The following DOCK1 variants were observed in gnomAD, a reference collection of about 807,000 sequenced individuals.
DOCK1 encodes dedicator of cytokinesis 1, also known as dedicator of cytokinesis protein 1.
DOCK1 carries 138 observed loss-of-function variants against 262.7 expected under a neutral mutation model. The observed-to-expected ratio is 0.53, with a 90% CI of 0.46 to 0.61. DOCK1 has a LOEUF of 0.61. Among genes scored for constraint, DOCK1 ranks in the 20% least tolerant of loss-of-function variants. The probability of loss-of-function intolerance (pLI) is 0.00; values close to 1 mark genes in which losing one functional copy is unlikely to be tolerated. For synonymous variants in DOCK1, 866 were observed against 867.4 expected (o/e 1.00, Z 0.03); for missense variants, 1,908 against 2,370.7 (o/e 0.80, Z 4.05).
At chr10:127,069,109 T>C (rs1172661305) in intron 23 of DOCK1, among the ~76,000 whole-genome samples, 5 of 152,234 alleles carry the variant, frequency 3.3e-5, no homozygotes, top group Non-Finnish European at 7.3e-5. Flanking sequence ...AGGGCTTGAT[T>C]CCTGGGTGAT....
At chr10:127,277,918 A>G (rs2060801778) in intron 29 of DOCK1, among the ~76,000 whole-genome samples, 1 of 137,464 alleles carries the variant, frequency 7.3e-6, no homozygotes, top group South Asian at 3.0e-4. Context: ...TTTTCATGTA[A>G]AAGTCAACTT....
At chr10:127,042,591 T>A in intron 19 of DOCK1, 34 bp from the exon 20 acceptor site, 1 of 1,598,582 alleles carries the variant, frequency 6.3e-7, no homozygotes, top group South Asian at 1.1e-5. Context: ...TCCGGTGGGT[T>A]CACATTGTCA....
intron 27 of DOCK1, among the ~76,000 whole-genome samples, chr10:127,143,527 T>A (rs1216449376): frequency 6.6e-6 from 1 of 152,188 alleles, no homozygotes; most frequent in East Asian, 1.9e-4. Flanking sequence ...GAACAAGGCC[T>A]GGGCCCAGGA....
intron 1 of DOCK1, among the ~76,000 whole-genome samples, chr10:126,958,361 T>C (rs1336853558): frequency 1.3e-5 from 2 of 152,150 alleles, no homozygotes; most frequent in African/African-American, 4.8e-5. Flanking sequence ...CTGCTTTGGC[T>C]CCGTAATTTT....
At chr10:127,079,113 C>T (rs2046746318) in intron 23 of DOCK1, among the ~76,000 whole-genome samples, 1 of 152,170 alleles carries the variant, frequency 6.6e-6, no homozygotes, top group Non-Finnish European at 1.5e-5. Context: ...CAAATGCTGA[C>T]ACTCATGTAA....
chr10:127,180,401 A>G lies in DOCK1; in HGVS notation c.2847+52637A>G, dbSNP rs1589807718. ...TGGCTCTAAAGCAGCAGGAGTTCATAAAGTTTATTTTTCGTAAGAAAATTG... is the reference window on the plus strand; with the variant it reads ...TGGCTCTAAAGCAGCAGGAGTTCATGAAGTTTATTTTTCGTAAGAAAATTG... On this transcript the variant is annotated intron_variant, in intron 27 of 51. Coordinates refer to ENST00000623213, the MANE Select transcript of DOCK1 (RefSeq NM_001290223.2). 2.0e-5 allele frequency among the ~76,000 whole-genome samples: 3 copies of G among 152,330 alleles called. No homozygotes were observed. The East Asian group carries it at 5.8e-4, about 29-fold the overall frequency.
intron 23 of DOCK1, among the ~76,000 whole-genome samples, chr10:127,078,475 T>C (rs766047209): frequency 6.6e-6 from 1 of 152,148 alleles, no homozygotes; most frequent in Non-Finnish European, 1.5e-5. Flanking sequence ...TGGTACCTCC[T>C]CTGCATTCAG....
chr10:127,329,736 C>T (rs746820418), intron 29 of DOCK1, among the ~76,000 whole-genome samples: 1 of 152,124 alleles, frequency 6.6e-6, no homozygotes, highest in Non-Finnish European at 1.5e-5. Flanking sequence ...CTGCTAAATC[C>T]GTCAACATTT....
intron 16 of DOCK1, among the ~76,000 whole-genome samples, chr10:127,028,055 A>G (rs2042993923): frequency 1.4e-5 from 1 of 69,390 alleles, no homozygotes; most frequent in East Asian, 4.0e-4. Flanking sequence ...TGGGTGGTGC[A>G]TGGCGGGGGA....
At chr10:127,107,811 A>C (rs540738763) in intron 24 of DOCK1, among the ~76,000 whole-genome samples, 1 of 152,358 alleles carries the variant, frequency 6.6e-6, no homozygotes, top group African/African-American at 2.4e-5. Flanking sequence ...AAGCAGAGAA[A>C]GCTGCAACTG....
At chr10:127,450,013 A>G (rs573996530) in intron 51 of DOCK1, among the ~76,000 whole-genome samples, 20 of 152,316 alleles carry the variant, frequency 1.3e-4, no homozygotes, top group African/African-American at 4.3e-4. Context: ...TCATTGGCCT[A>G]TCAGTGAGTG....
intron 1 of DOCK1, among the ~76,000 whole-genome samples, chr10:126,928,888 A>G (rs1417767859): frequency 2.0e-5 from 3 of 152,252 alleles, no homozygotes; most frequent in African/African-American, 7.2e-5. Flanking sequence ...TGTTGGCGTG[A>G]GCCAGGAGGC....
intron 15 of DOCK1, 68 bp downstream of exon 15, chr10:127,024,851 A>G (rs2042715746): frequency 3.9e-5 from 52 of 1,317,176 alleles, no homozygotes; most frequent in Non-Finnish European, 5.1e-5. Flanking sequence ...ACCCAAGGAA[A>G]CATCCTAACA....
chr10:126,951,072 T>C (rs2134393754), intron 1 of DOCK1, among the ~76,000 whole-genome samples: 1 of 152,042 alleles, frequency 6.6e-6, no homozygotes, highest in Non-Finnish European at 1.5e-5. Flanking sequence ...GTATTGTTTT[T>C]GGTAGTGTTT....
intron 23 of DOCK1, among the ~76,000 whole-genome samples, chr10:127,072,581 G>A (rs937361503): frequency 1.4e-4 from 21 of 152,200 alleles, no homozygotes; most frequent in African/African-American, 4.8e-4. Context: ...GTCACCATGA[G>A]GTGCTTGGAT....
intron 23 of DOCK1, among the ~76,000 whole-genome samples, chr10:127,083,286 T>C (rs1220805184): frequency 6.6e-6 from 1 of 152,186 alleles, no homozygotes; most frequent in Non-Finnish European, 1.5e-5. Flanking sequence ...CTGTGGCATT[T>C]GAGGAGATGT....
chr10:127,222,628 T>TTTGTGTTGTGTTGTGTTGTGTTGTG (rs71032542), intron 27 of DOCK1, among the ~76,000 whole-genome samples: 1 of 145,540 alleles, frequency 6.9e-6, no homozygotes, highest in Admixed American at 7.0e-5. Flanking sequence ...GTGTTTTTGT[T>TTTGTGTTGTGTTGTGTTGTGTTGTG]TTGTGTTGTG....
rs61873978 is a variant in DOCK1, at chr10:127,032,117, C to T, written c.1729-20C>T. Reference sequence around the variant, plus strand: ...CTGTTTGTGAATTGCCTTTGACATACGGCATGACTAAATCCACAGGCCGAA... The same window carrying T: ...CTGTTTGTGAATTGCCTTTGACATATGGCATGACTAAATCCACAGGCCGAA... On this transcript the variant is annotated intron_variant, in intron 17 of 51. Transcript: ENST00000623213. 0.06 allele frequency: 93,818 copies of T among 1,572,794 alleles called. 3,185 individuals carry two copies. The highest frequency in any genetic ancestry group is 0.069 in the Middle Eastern group (416 of 6,020).
At chr10:127,394,978 C>T (rs1425019731) in intron 38 of DOCK1, among the ~76,000 whole-genome samples, 3 of 152,160 alleles carry the variant, frequency 2.0e-5, no homozygotes, top group Admixed American at 2.0e-4. Context: ...GAAGACTTCA[C>T]AGAGGTGGTT....
Sources: allele counts gnomAD v4.1 joint callset (sites outside exome capture counted in the v4.1 genomes callset), GRCh38; gene constraint gnomAD v4.1.1; transcripts MANE v1.5; gene names NCBI Gene and HGNC (gene_info 2026-07-23, HGNC 2026-07-21).